FOXP1: variants seen among roughly 807,000 people sequenced by gnomAD.
FOXP1 encodes forkhead box protein P1.
Under a neutral mutation model 98.2 loss-of-function variants are expected in FOXP1, and 15 were observed. That is an observed-to-expected ratio of 0.15 (90% CI 0.10 to 0.24). The LOEUF (loss-of-function observed/expected upper bound fraction) is 0.24. Ranked by LOEUF, FOXP1 falls within the 10% of genes least tolerant of loss-of-function variation. The pLI is 1.00. For missense variants in FOXP1, 633 were observed against 848.5 expected, an observed-to-expected ratio of 0.75 and a Z score of 3.15; for synonymous variants, 371 against 314.5, an observed-to-expected ratio of 1.18 and a Z score of -1.90.
At chr3:71,327,065 T>C (rs1039000559) in intron 4 of FOXP1, among the ~76,000 whole-genome samples, 1 of 152,072 alleles carries the variant, frequency 6.6e-6, no homozygotes, top group African/African-American at 2.4e-5. Context: ...CTGCCCATTC[T>C]AGAATCCAAG....
In FOXP1 at chr3:71,024,870, C is replaced by T. The variant is rs575915672; in HGVS notation, c.870-9217G>A. ...TTTATGTCCAGACTTAGTTTTTGTT[C>T]CCCCCTTCTTTCTTGATTTGCAAAT... On this transcript the variant is annotated intron_variant, in intron 11 of 20. Transcript: ENST00000649528. Among the ~76,000 whole-genome samples, 45 of 152,178 alleles carry T rather than the reference C, an allele frequency of 3.0e-4. No homozygotes were observed. The South Asian group carries it at 7.3e-3, about 25-fold the overall frequency.
intron 4 of FOXP1, among the ~76,000 whole-genome samples, chr3:71,353,460 A>G (rs2077934445): frequency 6.6e-6 from 1 of 152,194 alleles, no homozygotes; most frequent in African/African-American, 2.4e-5. Context: ...GAGGGTTATC[A>G]TGAGTCTAAC....
chr3:71,064,769 C>G (rs2052147383), intron 7 of FOXP1: 1 of 984,570 alleles, frequency 1.0e-6, no homozygotes, highest in Admixed American at 6.1e-5. Context: ...AAGCGGGCGC[C>G]GCGGAGCCGG....
chr3:71,004,349 C>T (rs1463827906), intron 12 of FOXP1, among the ~76,000 whole-genome samples: 1 of 152,042 alleles, frequency 6.6e-6, no homozygotes, highest in Non-Finnish European at 1.5e-5. Flanking sequence ...TGATGATGAT[C>T]TTTCTGAAAG....
chr3:71,019,480 A>G (rs1163377690), intron 11 of FOXP1, among the ~76,000 whole-genome samples: 1 of 152,220 alleles, frequency 6.6e-6, no homozygotes, highest in East Asian at 1.9e-4. Flanking sequence ...CAGGTTGAAT[A>G]TTCCTAGGGG....
chr3:71,472,369 A>G (rs911653197), intron 3 of FOXP1, among the ~76,000 whole-genome samples: 7 of 152,342 alleles, frequency 4.6e-5, no homozygotes, highest in Admixed American at 2.6e-4. Context: ...ATGATTGACC[A>G]AAAAATGAAA....
At chr3:71,498,332 G>A (rs960839752) in intron 2 of FOXP1, among the ~76,000 whole-genome samples, 1 of 152,196 alleles carries the variant, frequency 6.6e-6, no homozygotes, top group Non-Finnish European at 1.5e-5. Context: ...CAGGGAGCTA[G>A]AAAGAGCAGC....
intron 12 of FOXP1, among the ~76,000 whole-genome samples, chr3:71,007,613 CCT>C (rs984408225): frequency 6.6e-5 from 10 of 152,250 alleles, no homozygotes; most frequent in Admixed American, 6.5e-5. Flanking sequence ...TAAACAAAAG[CCT>C]CTTTGTCGAG....
At chr3:71,489,040 G>A (rs13095947) in intron 3 of FOXP1, among the ~76,000 whole-genome samples, 4,083 of 152,300 alleles carry the variant, frequency 0.027, 99 homozygotes, top group Middle Eastern at 0.048. Flanking sequence ...AAGGAACCCT[G>A]TCGGCTGGCT....
intron 4 of FOXP1, among the ~76,000 whole-genome samples, chr3:71,318,728 C>T (rs1335345751): frequency 2.6e-5 from 4 of 152,102 alleles, no homozygotes; most frequent in African/African-American, 7.2e-5. Context: ...TCTGACTATT[C>T]TGAGAGGTGA....
At position 71,266,118 on chromosome 3, in the gene FOXP1, AG is replaced by A. The variant is rs141755345; in HGVS notation, c.-12+33701del. On this transcript the variant is annotated intron_variant, in intron 5 of 20. Coordinates refer to ENST00000649528, the MANE Select transcript of FOXP1 (RefSeq NM_001349338.3). ...GAAGAGTTAACACAGCAAGCAAGCC[AG>A]GAAGAGAGAAAGAGAGTACATAGGT... Among the ~76,000 whole-genome samples the A allele has an allele frequency of 3.1e-3, 479 of 152,348 alleles. 1 individual carries two copies. Among genetic ancestry groups the A allele is most frequent in the African/African-American group, 0.011 (456 of 41,574 alleles).
intron 2 of FOXP1, among the ~76,000 whole-genome samples, chr3:71,552,516 A>T (rs890678562): frequency 6.6e-6 from 1 of 152,014 alleles, no homozygotes; most frequent in Non-Finnish European, 1.5e-5. Context: ...TTAAATATTT[A>T]GTATTACAAT....
intron 3 of FOXP1, among the ~76,000 whole-genome samples, chr3:71,423,771 T>C (rs2083858165): frequency 6.6e-6 from 1 of 152,128 alleles, no homozygotes; most frequent in Non-Finnish European, 1.5e-5. Context: ...GGCAGGGAAG[T>C]GCTATTATGC....
intron 3 of FOXP1, among the ~76,000 whole-genome samples, chr3:71,441,238 A>AT (rs1408440893): frequency 1.3e-5 from 2 of 152,244 alleles, no homozygotes; most frequent in African/African-American, 4.8e-5. Context: ...TCATGGAAGT[A>AT]GAAGGTAGCT....
At chr3:71,139,302 A>G (rs970206809) in intron 6 of FOXP1, among the ~76,000 whole-genome samples, 4 of 152,198 alleles carry the variant, frequency 2.6e-5, no homozygotes, top group Non-Finnish European at 4.4e-5. Context: ...AATACAATGC[A>G]CTGACTTCTC....
At chr3:71,131,564 T>A (rs984484038) in intron 6 of FOXP1, among the ~76,000 whole-genome samples, 3 of 152,214 alleles carry the variant, frequency 2.0e-5, no homozygotes, top group Admixed American at 2.0e-4. Flanking sequence ...AAATAACTCA[T>A]TGGGAGCTGT....
chr3:71,079,348 C>G (rs2054165701), intron 7 of FOXP1, among the ~76,000 whole-genome samples: 1 of 152,172 alleles, frequency 6.6e-6, no homozygotes, highest in Non-Finnish European at 1.5e-5. Context: ...GCTCTTCACT[C>G]TACACTAGTA....
chr3:71,239,574 A>G (rs991426735), intron 5 of FOXP1, among the ~76,000 whole-genome samples: 4 of 152,172 alleles, frequency 2.6e-5, no homozygotes, highest in African/African-American at 9.6e-5. Context: ...AAACAAAAAG[A>G]AAACCAAAAA....
chr3:71,006,857 A>G (rs1357139371), intron 12 of FOXP1, among the ~76,000 whole-genome samples: 1 of 152,212 alleles, frequency 6.6e-6, no homozygotes, highest in Non-Finnish European at 1.5e-5. Flanking sequence ...GAAAAATTTA[A>G]ATTTAATTTG....
Sources: allele counts gnomAD v4.1 joint callset (sites outside exome capture counted in the v4.1 genomes callset), GRCh38; gene constraint gnomAD v4.1.1; transcripts MANE v1.5; gene names NCBI Gene and HGNC (gene_info 2026-07-23, HGNC 2026-07-21).